DTNA: variants seen among roughly 807,000 people sequenced by gnomAD.
DTNA encodes dystrobrevin alpha.
Under a neutral mutation model 100.7 loss-of-function variants are expected in DTNA, and 43 were observed. The observed-to-expected ratio is 0.43, with a 90% CI of 0.33 to 0.55. DTNA has a LOEUF of 0.55. Among genes scored for constraint, DTNA ranks in the 20% least tolerant of loss-of-function variants. DTNA has a pLI of 0.04. For missense variants in DTNA, 798 were observed against 953.9 expected, an observed-to-expected ratio of 0.84 and a Z score of 2.15; for synonymous variants, 349 against 347.9, an observed-to-expected ratio of 1.00 and a Z score of -0.04.
At chr18:34,623,038 G>A (rs774441626) in intron 1 of DTNA, among the ~76,000 whole-genome samples, 5 of 152,124 alleles carry the variant, frequency 3.3e-5, no homozygotes, top group African/African-American at 4.8e-5. Flanking sequence ...CTTAAAAATA[G>A]GAAATATTTT....
chr18:34,858,232 G>GT lies in DTNA; in HGVS notation c.1533-50dup. 5 of 1,565,624 alleles carry GT rather than the reference G, an allele frequency of 3.2e-6. No homozygotes were observed. The South Asian group carries it at 3.4e-5, about 11-fold the overall frequency. Reference sequence around the variant, plus strand: ...GTGGCCTTGATCTGCTCCGATGTTAGTTTCCTGAAAGCTAACTAACCTTGG... The same window carrying GT: ...GTGGCCTTGATCTGCTCCGATGTTAGTTTTCCTGAAAGCTAACTAACCTTGG... On this transcript the variant is annotated intron_variant, in intron 15 of 22. Coordinates refer to ENST00000444659, the MANE Select transcript of DTNA (RefSeq NM_001386795.1).
chr18:34,610,192 AC>A (rs2053954490), intron 1 of DTNA, among the ~76,000 whole-genome samples: 1 of 152,202 alleles, frequency 6.6e-6, no homozygotes, highest in Non-Finnish European at 1.5e-5. Context: ...TCCTATTCTT[AC>A]AACCAAGGCC....
chr18:34,686,648 C>T (rs1216262408), intron 1 of DTNA, among the ~76,000 whole-genome samples: 1 of 152,110 alleles, frequency 6.6e-6, no homozygotes, highest in Non-Finnish European at 1.5e-5. Flanking sequence ...TGATGCTGGC[C>T]TCATGAAATG....
intron 1 of DTNA, among the ~76,000 whole-genome samples, chr18:34,651,091 C>T (rs181878307): frequency 1.0e-3 from 157 of 152,146 alleles, no homozygotes; most frequent in African/African-American, 3.7e-3. Flanking sequence ...ACAGAATGCC[C>T]CATATTTTTG....
chr18:34,741,534 A>C (rs2090644348), intron 1 of DTNA, among the ~76,000 whole-genome samples: 1 of 152,170 alleles, frequency 6.6e-6, no homozygotes, highest in Non-Finnish European at 1.5e-5. Context: ...CGAGATTCAA[A>C]AGCTTATGTC....
chr18:34,828,300 A>G (rs1165071829), intron 10 of DTNA, among the ~76,000 whole-genome samples: 1 of 152,242 alleles, frequency 6.6e-6, no homozygotes. Flanking sequence ...AGACATATGC[A>G]GGGTCAAGAG....
chr18:34,576,984 C>T (rs2146555548), intron 1 of DTNA, among the ~76,000 whole-genome samples: 1 of 152,260 alleles, frequency 6.6e-6, no homozygotes, highest in Middle Eastern at 3.4e-3. Flanking sequence ...GTCCCAAAAA[C>T]TTCTCTCCCA....
intron 1 of DTNA, among the ~76,000 whole-genome samples, chr18:34,561,687 A>G (rs991273701): frequency 6.6e-6 from 1 of 152,180 alleles, no homozygotes; most frequent in Non-Finnish European, 1.5e-5. Context: ...AGTATAGGGA[A>G]TAATCAATTT....
At chr18:34,757,952 A>C (rs1485332521) in intron 2 of DTNA, among the ~76,000 whole-genome samples, 1 of 152,228 alleles carries the variant, frequency 6.6e-6, no homozygotes, top group Non-Finnish European at 1.5e-5. Context: ...TTAATAATTC[A>C]TTAGTTTGAG....
At chr18:34,587,952 A>G (rs2049307265) in intron 1 of DTNA, among the ~76,000 whole-genome samples, 1 of 152,162 alleles carries the variant, frequency 6.6e-6, no homozygotes, top group Admixed American at 6.5e-5. Flanking sequence ...AGTCAGTCCA[A>G]GAGACTGTAA....
chr18:34,544,131 C>T (rs958944977), intron 1 of DTNA, among the ~76,000 whole-genome samples: 1 of 151,996 alleles, frequency 6.6e-6, no homozygotes, highest in African/African-American at 2.4e-5. Flanking sequence ...TATTTTCTAG[C>T]CACTGACCTC....
At chr18:34,845,385 A>G (rs1166855214) in intron 13 of DTNA, among the ~76,000 whole-genome samples, 1 of 152,192 alleles carries the variant, frequency 6.6e-6, no homozygotes, top group Non-Finnish European at 1.5e-5. Context: ...TTTTAAAAAT[A>G]TAACCTTCAT....
chr18:34,783,136 C>G (rs181072146), intron 3 of DTNA, among the ~76,000 whole-genome samples: 1 of 152,318 alleles, frequency 6.6e-6, no homozygotes, highest in East Asian at 1.9e-4. Flanking sequence ...TTTACCTTCT[C>G]TTATTATTTT....
intron 3 of DTNA, among the ~76,000 whole-genome samples, chr18:34,776,033 A>C (rs1487370519): frequency 6.6e-6 from 1 of 152,220 alleles, no homozygotes; most frequent in Non-Finnish European, 1.5e-5. Flanking sequence ...AGCCACTGGG[A>C]CATATACTTT....
chr18:34,761,803 C>G (rs1448095880), intron 2 of DTNA, among the ~76,000 whole-genome samples: 1 of 151,854 alleles, frequency 6.6e-6, no homozygotes, highest in African/African-American at 2.4e-5. Flanking sequence ...TATGCCATCC[C>G]CCACTGTATT....
intron 4 of DTNA, among the ~76,000 whole-genome samples, chr18:34,798,361 G>A (rs955962730): frequency 7.2e-5 from 11 of 151,930 alleles, no homozygotes; most frequent in African/African-American, 2.7e-4. Context: ...ATATTACAAA[G>A]ACTAGCGGGT....
chr18:34,585,341 T>C (rs1018314891), intron 1 of DTNA, among the ~76,000 whole-genome samples: 1 of 151,948 alleles, frequency 6.6e-6, no homozygotes, highest in Non-Finnish European at 1.5e-5. Flanking sequence ...AAATATAAGA[T>C]GGGCAGATGA....
intron 1 of DTNA, among the ~76,000 whole-genome samples, chr18:34,509,568 T>C (rs191888844): frequency 3.3e-5 from 5 of 152,154 alleles, no homozygotes; most frequent in African/African-American, 1.2e-4. Context: ...CTAATGATGC[T>C]AAATACCCTT....
rs1057518968 is a variant in DTNA, at chr18:34,794,065, A to G, written c.177A>G (p.Ile59Met). Residue 59 changes from isoleucine to methionine, a missense_variant, in exon 4 of 23, where the codon ATA (isoleucine) becomes ATG (methionine). This residue lies in a region of DTNA where 197 missense variants were observed against 215.4 expected (regional missense o/e 0.91). Coordinates refer to ENST00000444659, the MANE Select transcript of DTNA (RefSeq NM_001386795.1). ...ACCTGGTGGACATATGGAATGTCAT[A>G]GAAGCATTGCGGGAAAATGCTCTGA... is the stretch of plus-strand genomic sequence containing the variant. ...NLHLVDIWNV[I>M]EALRENALNN... The G allele has an allele frequency of 9.3e-6, 15 of 1,613,990 alleles. No homozygotes were observed. The highest frequency in any genetic ancestry group is 1.2e-5 in the Non-Finnish European group (14 of 1,180,020).
Sources: gnomAD v4.1 joint callset for allele counts (sites outside exome capture counted in the v4.1 genomes callset) on GRCh38, gnomAD v4.1.1 for gene constraint, gnomAD v4.1.1 regional missense constraint, MANE v1.5 for transcripts, NCBI Gene and HGNC (gene_info 2026-07-23, HGNC 2026-07-21) for gene names.